UGT1A5: variants seen among roughly 807,000 people sequenced by gnomAD.
The protein encoded by UGT1A5 is UDP-glucuronosyltransferase 1A5.
UGT1A5 carries 29 observed loss-of-function variants against 40.3 expected under a neutral mutation model. The observed-to-expected ratio is 0.72, with a 90% CI of 0.54 to 0.98. The LOEUF (loss-of-function observed/expected upper bound fraction) is 0.98. UGT1A5 is among the 50% of genes least tolerant of loss of function. The pLI is 0.00. For synonymous variants in UGT1A5, 257 were observed against 262.5 expected, an observed-to-expected ratio of 0.98 and a Z score of 0.20; for missense variants, 678 against 677.9, an observed-to-expected ratio of 1.00 and a Z score of 0.00.
intron 1 of UGT1A5, chr2:233,747,103 T>G: frequency 7.3e-7 from 1 of 1,362,910 alleles, no homozygotes. Context: ...TATCTTCCAA[T>G]TACATGATGA....
intron 1 of UGT1A5, among the ~76,000 whole-genome samples, chr2:233,727,601 G>A (rs565458443): frequency 3.4e-4 from 52 of 152,170 alleles, no homozygotes; most frequent in Non-Finnish European, 4.4e-4. Flanking sequence ...GGGGGTTGGA[G>A]GAATAGTTCA....
At position 233,772,640 on chromosome 2, in the gene UGT1A5, C is replaced by T; in HGVS notation, c.*81C>T. On this transcript the variant is annotated 3_prime_UTR_variant, in exon 5 of 5. Transcript: ENST00000373414. ...TTGAAAACAGAATCAGTGTTAAATTCATTTTATTCTTATTAAGGAAATACT... is the reference window on the plus strand; with the variant it reads ...TTGAAAACAGAATCAGTGTTAAATTTATTTTATTCTTATTAAGGAAATACT... 2 of 1,552,730 alleles carry T rather than the reference C, an allele frequency of 1.3e-6. No individual in the cohort carries two copies. The highest frequency in any genetic ancestry group is 1.7e-6 in the Non-Finnish European group (2 of 1,148,442).
At chr2:233,738,731 C>T (rs1205988900) in intron 1 of UGT1A5, among the ~76,000 whole-genome samples, 1 of 152,174 alleles carries the variant, frequency 6.6e-6, no homozygotes. Context: ...GGAAAATTTG[C>T]AGCCTGACCA....
intron 1 of UGT1A5, among the ~76,000 whole-genome samples, chr2:233,766,658 C>A (rs1575821914): frequency 6.6e-6 from 1 of 152,166 alleles, no homozygotes; most frequent in Admixed American, 6.5e-5. Flanking sequence ...AAAGGGACCA[C>A]GCCCTTCCCA....
intron 1 of UGT1A5, among the ~76,000 whole-genome samples, chr2:233,727,533 G>A (rs532187681): frequency 2.6e-5 from 4 of 152,154 alleles, no homozygotes; most frequent in East Asian, 1.9e-4. Context: ...ACTACCAGGC[G>A]TGTTCCACCC....
chr2:233,729,015 A>G, intron 1 of UGT1A5: 2 of 1,589,624 alleles, frequency 1.3e-6, no homozygotes, highest in Non-Finnish European at 1.7e-6. Context: ...CTGTCTTCCA[A>G]TTACACGTTG....
intron 1 of UGT1A5, among the ~76,000 whole-genome samples, chr2:233,714,873 C>T (rs1233346677): frequency 6.8e-6 from 1 of 147,574 alleles, no homozygotes; most frequent in South Asian, 2.2e-4. Context: ...AAAATTCTAT[C>T]TTTTAAATTT....
chr2:233,772,426 A>C lies in UGT1A5; in HGVS notation c.1472A>C (p.Asp491Ala), dbSNP rs1300515739. The C allele has an allele frequency of 1.2e-5, 20 of 1,614,062 alleles. No individual in the cohort carries two copies. Among genetic ancestry groups the C allele is most frequent in the Non-Finnish European group, 1.7e-5 (20 of 1,180,044 alleles). Reference sequence around the variant, plus strand: ...ACCTGGTACCAGTACCATTCCTTGGACGTGATTGGTTTCCTCTTGGCCGTC... The same window carrying C: ...ACCTGGTACCAGTACCATTCCTTGGCCGTGATTGGTTTCCTCTTGGCCGTC... Reference protein sequence around the residue: ...DLTWYQYHSLDVIGFLLAVVL... With the variant: ...DLTWYQYHSLAVIGFLLAVVL... Residue 491 changes from aspartate (D) to alanine (A), a missense_variant, in exon 5 of 5, where the codon GAC becomes GCC. Coordinates refer to ENST00000373414, the MANE Select transcript of UGT1A5 (RefSeq NM_019078.2).
At chr2:233,713,923 C>T in intron 1 of UGT1A5, 65 bp downstream of exon 1, 4 of 1,612,024 alleles carry the variant, frequency 2.5e-6, no homozygotes, top group Non-Finnish European at 3.4e-6. Context: ...AATGTATTTA[C>T]TTACAAGTGC....
At chr2:233,717,798 C>T (rs528751342) in intron 1 of UGT1A5, 2 of 456,098 alleles carry the variant, frequency 4.4e-6, no homozygotes, top group East Asian at 6.9e-5. Flanking sequence ...TGAAGTAGTG[C>T]CCCCACAAAT....
At chr2:233,743,996 C>T (rs76063448) in intron 1 of UGT1A5, 37,130 of 1,239,474 alleles carry the variant, frequency 0.03, 683 homozygotes, top group African/African-American at 0.05. Context: ...GGCCCGAGTG[C>T]TCGGAGACCT....
At chr2:233,724,187 G>C (rs1459882110) in intron 1 of UGT1A5, among the ~76,000 whole-genome samples, 1 of 123,412 alleles carries the variant, frequency 8.1e-6, no homozygotes, top group East Asian at 2.3e-4. Flanking sequence ...CCTCCCGGAC[G>C]GGGTGGCTGG....
At chr2:233,763,222 T>C (rs1031728424) in intron 1 of UGT1A5, among the ~76,000 whole-genome samples, 2 of 152,230 alleles carry the variant, frequency 1.3e-5, no homozygotes, top group African/African-American at 4.8e-5. Context: ...GGTGTGAAAA[T>C]ATGTTTTTAA....
chr2:233,743,852 G>C (rs770873874), intron 1 of UGT1A5: 2 of 1,367,108 alleles, frequency 1.5e-6, no homozygotes, highest in East Asian at 9.1e-5. Context: ...CTTGCGGTAC[G>C]CCTTCTTGAT....
intron 1 of UGT1A5, among the ~76,000 whole-genome samples, chr2:233,746,215 A>C (rs1693328060): frequency 6.6e-6 from 1 of 151,878 alleles, no homozygotes; most frequent in South Asian, 2.1e-4. Flanking sequence ...CTCTAATAGC[A>C]AGGACAGATA....
chr2:233,744,202 G>A (rs982618462), intron 1 of UGT1A5, among the ~76,000 whole-genome samples: 3 of 151,822 alleles, frequency 2.0e-5, no homozygotes, highest in Non-Finnish European at 4.4e-5. Flanking sequence ...AAAAAGGATG[G>A]GAAAAAGAGG....
chr2:233,746,453 C>T (rs1693396271), intron 1 of UGT1A5, among the ~76,000 whole-genome samples: 1 of 151,712 alleles, frequency 6.6e-6, no homozygotes, highest in South Asian at 2.1e-4. Flanking sequence ...AAGAAAGTAC[C>T]TTCAAAAGGG....
chr2:233,747,429 A>G, intron 1 of UGT1A5: 8 of 1,608,684 alleles, frequency 5.0e-6, no homozygotes, highest in Non-Finnish European at 6.8e-6. Context: ...CAAACAAGAG[A>G]AATTTTTCAC....
intron 1 of UGT1A5, among the ~76,000 whole-genome samples, chr2:233,763,457 A>G (rs1297743892): frequency 6.6e-6 from 1 of 152,174 alleles, no homozygotes; most frequent in African/African-American, 2.4e-5. Context: ...GCCTATTTGA[A>G]TCTAACAATT....
Sources: allele counts gnomAD v4.1 joint callset (sites outside exome capture counted in the v4.1 genomes callset), GRCh38; gene constraint gnomAD v4.1.1; transcripts MANE v1.5; gene names NCBI Gene and HGNC (gene_info 2026-07-23, HGNC 2026-07-21).